Variants in ENPP2 observed in about 807,000 individuals in gnomAD.
ENPP2 encodes the protein ectonucleotide pyrophosphatase/phosphodiesterase 2.
ENPP2 carries 51 observed loss-of-function variants against 120.2 expected under a neutral mutation model. The ratio of observed to expected loss-of-function variants is 0.42; its 90% confidence interval spans 0.34 to 0.54. The LOEUF is 0.54. ENPP2 is among the 20% of genes least tolerant of loss of function. The pLI, the probability that ENPP2 is intolerant of heterozygous loss-of-function variation, is 0.04. For missense variants in ENPP2, 920 were observed against 1,066.5 expected (o/e 0.86, Z 1.91); for synonymous variants, 365 against 366.4 (o/e 1.00, Z 0.04).
At chr8:119,594,837 T>A (rs528905457) in intron 11 of ENPP2, among the ~76,000 whole-genome samples, 1 of 152,354 alleles carries the variant, frequency 6.6e-6, no homozygotes, top group South Asian at 2.1e-4. Flanking sequence ...GATGTGAATA[T>A]CATTTTTACT....
At chr8:119,668,901 T>C (rs1196532166) in intron 1 of ENPP2, among the ~76,000 whole-genome samples, 1 of 152,192 alleles carries the variant, frequency 6.6e-6, no homozygotes, top group Non-Finnish European at 1.5e-5. Context: ...CCTCTCCCTC[T>C]ACTTCCCATC....
Position 119,622,085 on chromosome 8 carries a change from C to T in ENPP2, c.293-566G>A, listed in dbSNP as rs572996757. ...CTGGGATTACAAACATATGCCATCA[C>T]GTCTGGCTAATTTTTGTATTTTTAG... On this transcript the variant is annotated intron_variant, in intron 3 of 24. Transcript: ENST00000075322. Among the ~76,000 whole-genome samples, 379 of 152,202 alleles carry T rather than the reference C, an allele frequency of 2.5e-3. 3 individuals carry two copies. Among genetic ancestry groups the T allele is most frequent in the African/African-American group, 7.5e-3 (311 of 41,544 alleles).
At chr8:119,558,428 C>T (rs527750372) in intron 24 of ENPP2, among the ~76,000 whole-genome samples, 15 of 151,918 alleles carry the variant, frequency 9.9e-5, no homozygotes, top group African/African-American at 3.1e-4. Flanking sequence ...AGGGAAGAAG[C>T]GGGGGGAAAG....
At chr8:119,560,847 CT>C (rs1367455945) in intron 24 of ENPP2, among the ~76,000 whole-genome samples, 2 of 151,944 alleles carry the variant, frequency 1.3e-5, no homozygotes, top group African/African-American at 4.8e-5. Flanking sequence ...CCCTTAGTAG[CT>C]ATAAATTTCT....
intron 15 of ENPP2, among the ~76,000 whole-genome samples, chr8:119,585,155 C>T (rs563953401): frequency 2.6e-5 from 4 of 152,134 alleles, no homozygotes; most frequent in Non-Finnish European, 2.9e-5. Context: ...GAGCACATAC[C>T]GGGCCAATTA....
chr8:119,587,893 A>G (rs1381326493), intron 13 of ENPP2, among the ~76,000 whole-genome samples: 3 of 152,198 alleles, frequency 2.0e-5, no homozygotes, highest in Non-Finnish European at 4.4e-5. Context: ...AGAGATAGCA[A>G]CTATCATGAG....
At chr8:119,614,505 TA>T (rs1221536964) in intron 8 of ENPP2, among the ~76,000 whole-genome samples, 3 of 152,140 alleles carry the variant, frequency 2.0e-5, no homozygotes, top group Non-Finnish European at 4.4e-5. Flanking sequence ...AGGAAACAGG[TA>T]AACAGAGCTG....
intron 1 of ENPP2, chr8:119,673,187 G>T: frequency 7.3e-7 from 1 of 1,367,114 alleles, no homozygotes; most frequent in Non-Finnish European, 1.0e-6. Context: ...CTGCTTGACA[G>T]AATGGCAGCT....
At chr8:119,595,511 G>T (rs1215852902) in intron 11 of ENPP2, among the ~76,000 whole-genome samples, 1 of 152,070 alleles carries the variant, frequency 6.6e-6, no homozygotes, top group Non-Finnish European at 1.5e-5. Context: ...ACCTTGCAGG[G>T]TTGTTCTCAA....
rs368642619 is a variant in ENPP2 at position 119,600,807 on chromosome 8, T to C, written c.900-57A>G. ...CCTAAACCACATGTAACAAAAAATA[T>C]CACATATTTTTAAAAAACGCATTTA... is the stretch of plus-strand genomic sequence containing the variant. On this transcript the variant is annotated intron_variant, in intron 10 of 24. Transcript: ENST00000075322. 4.3e-5 allele frequency: 42 copies of C among 967,264 alleles called. No homozygotes were observed. In the African/African-American group the frequency reaches 6.2e-4, roughly 14 times the overall value. The allele number at this position is 967,264 out of a possible 1,614,324, so 59.9% of individuals were successfully genotyped here. A position where few individuals can be genotyped will look rare whatever the true frequency, so the allele number is the denominator to read the frequency against.
chr8:119,608,229 CT>C (rs1207565260), intron 8 of ENPP2, among the ~76,000 whole-genome samples: 1 of 152,152 alleles, frequency 6.6e-6, no homozygotes, highest in African/African-American at 2.4e-5. Flanking sequence ...TTTTTAAAAT[CT>C]TATTTTATCT....
intron 1 of ENPP2, among the ~76,000 whole-genome samples, chr8:119,669,591 A>T (rs1818180611): frequency 6.6e-6 from 1 of 151,918 alleles, no homozygotes; most frequent in Non-Finnish European, 1.5e-5. Context: ...CACCTACTTC[A>T]CTCTCCCAAA....
chr8:119,568,272 A>T lies in ENPP2; in HGVS notation c.2054-20T>A. The T allele has an allele frequency of 7.2e-7, 1 of 1,397,894 alleles. No homozygotes were observed. Among genetic ancestry groups the T allele is most frequent in the Non-Finnish European group, 1.0e-6 (1 of 990,678 alleles). 86.6% of individuals were successfully genotyped at this position (1,397,894 alleles called of 1,614,324 possible). ...TCAGATCTAAACATTAGGAAAACAA[A>T]TAGTATACGTTGCTTACCAAAATCT... On this transcript the variant is annotated intron_variant, in intron 21 of 24. Coordinates refer to ENST00000075322, the MANE Select transcript of ENPP2 (RefSeq NM_001040092.3).
At chr8:119,617,054 G>T in intron 7 of ENPP2, 110 bp downstream of exon 7, 2 of 720,166 alleles carry the variant, frequency 2.8e-6, no homozygotes, top group Non-Finnish European at 2.4e-6. Flanking sequence ...AAAACAGAAA[G>T]ATTTTCTTTG....
At chr8:119,631,494 G>A (rs1375863223) in intron 2 of ENPP2, among the ~76,000 whole-genome samples, 1 of 152,070 alleles carries the variant, frequency 6.6e-6, no homozygotes, top group Non-Finnish European at 1.5e-5. Flanking sequence ...GGGATTACAG[G>A]CGTGAGCCAC....
chr8:119,626,744 C>A (rs750164735), intron 2 of ENPP2, 24 bp from the exon 3 acceptor site: 1 of 1,612,094 alleles, frequency 6.2e-7, no homozygotes, highest in East Asian at 2.2e-5. Flanking sequence ...GAGGCAAAAA[C>A]AATGGACTGG....
chr8:119,619,095 G>A (rs1330835812), intron 5 of ENPP2, 149 bp downstream of exon 5: 15 of 617,634 alleles, frequency 2.4e-5, no homozygotes, highest in South Asian at 1.4e-4. Flanking sequence ...TCAACCTTTC[G>A]ACTCATGAAT....
At chr8:119,640,002 C>T (rs998781254), upstream of ENPP2, among the ~76,000 whole-genome samples, 1 of 152,152 alleles carries the variant, frequency 6.6e-6, no homozygotes, top group Non-Finnish European at 1.5e-5. Context: ...TAAACAAATA[C>T]GAGACTTACC....
At chr8:119,576,390 G>A (rs566478268) in intron 19 of ENPP2, among the ~76,000 whole-genome samples, 115 of 152,162 alleles carry the variant, frequency 7.6e-4, no homozygotes, top group African/African-American at 2.5e-3. Flanking sequence ...CACCCACCTC[G>A]GCCTCCCAAA....
Sources: allele counts gnomAD v4.1 joint callset (sites outside exome capture counted in the v4.1 genomes callset), GRCh38; gene constraint gnomAD v4.1.1; transcripts MANE v1.5; gene names NCBI Gene and HGNC (gene_info 2026-07-23, HGNC 2026-07-21).